GLIS1: variants seen among roughly 807,000 people sequenced by gnomAD.
GLIS1 encodes the protein zinc finger protein GLIS1.
Under a neutral mutation model 63.8 loss-of-function variants are expected in GLIS1, and 24 were observed. The ratio of observed to expected loss-of-function variants is 0.38; its 90% CI spans 0.27 to 0.53. The LOEUF (loss-of-function observed/expected upper bound fraction) is 0.53. Among genes scored for constraint, GLIS1 ranks in the 20% least tolerant of loss-of-function variants. GLIS1 has a pLI of 0.85. For missense variants in GLIS1, 1,036 were observed against 1,074.1 expected (o/e 0.96, Z 0.50); for synonymous variants, 450 against 482.5 (o/e 0.93, Z 0.88).
At chr1:53,657,574 A>T (rs1380292601) in intron 2 of GLIS1, among the ~76,000 whole-genome samples, 1 of 152,094 alleles carries the variant, frequency 6.6e-6, no homozygotes, top group Non-Finnish European at 1.5e-5. Flanking sequence ...CTACCACGTG[A>T]GAAGCCTGAT....
intron 2 of GLIS1, among the ~76,000 whole-genome samples, chr1:53,673,790 C>G (rs1056298339): frequency 6.6e-6 from 1 of 152,198 alleles, no homozygotes; most frequent in African/African-American, 2.4e-5. Context: ...AAGCACAATG[C>G]CTGGTGCACG....
At chr1:53,678,901 C>T (rs1322779888) in intron 2 of GLIS1, among the ~76,000 whole-genome samples, 1 of 152,218 alleles carries the variant, frequency 6.6e-6, no homozygotes, top group Non-Finnish European at 1.5e-5. Context: ...AACTTTCCAG[C>T]CCACTTCTGC....
intron 2 of GLIS1, among the ~76,000 whole-genome samples, chr1:53,697,191 T>C (rs1360333328): frequency 2.0e-5 from 3 of 152,090 alleles, no homozygotes; most frequent in African/African-American, 4.8e-5. Context: ...AATGACACAA[T>C]AGCAGGCTCT....
intron 2 of GLIS1, among the ~76,000 whole-genome samples, chr1:53,600,903 G>A (rs1449222795): frequency 1.3e-5 from 2 of 152,194 alleles, no homozygotes; most frequent in Admixed American, 6.5e-5. Flanking sequence ...GCCCTGCCTC[G>A]CCCTGCTAGT....
At chr1:53,579,978 C>A (rs965990104) in intron 4 of GLIS1, among the ~76,000 whole-genome samples, 1 of 152,218 alleles carries the variant, frequency 6.6e-6, no homozygotes. Context: ...TTCCACTGAA[C>A]AGGTAAGTAA....
At chr1:53,530,053 C>T in intron 4 of GLIS1, 101 bp from the exon 5 acceptor site, 1 of 1,072,040 alleles carries the variant, frequency 9.3e-7, no homozygotes, top group Non-Finnish European at 1.3e-6. Flanking sequence ...CACCCCTGCC[C>T]CTCCCATCCT....
At chr1:53,548,995 T>C (rs1644733166) in intron 4 of GLIS1, among the ~76,000 whole-genome samples, 1 of 152,232 alleles carries the variant, frequency 6.6e-6, no homozygotes, top group African/African-American at 2.4e-5. Flanking sequence ...TTTCTATAGA[T>C]TTGTCTATTC....
intron 2 of GLIS1, among the ~76,000 whole-genome samples, chr1:53,659,517 G>A (rs979520554): frequency 1.3e-5 from 2 of 152,192 alleles, no homozygotes; most frequent in African/African-American, 4.8e-5. Context: ...AAGGTCACAT[G>A]GTGAGTTGGT....
chr1:53,587,258 C>G (rs961656036), intron 4 of GLIS1, among the ~76,000 whole-genome samples: 4 of 152,122 alleles, frequency 2.6e-5, no homozygotes, highest in Admixed American at 2.0e-4. Flanking sequence ...ATGGTGCCTG[C>G]TCTCTGGGCT....
chr1:53,656,785 G>A (rs2100346411), intron 2 of GLIS1, among the ~76,000 whole-genome samples: 1 of 152,350 alleles, frequency 6.6e-6, no homozygotes, highest in South Asian at 2.1e-4. Flanking sequence ...AGCACTGGCA[G>A]TACCGGAGGG....
rs187479733 is a variant in GLIS1, at chr1:53,602,467, G to A, written c.260-2189C>T. Among the ~76,000 whole-genome samples, 8 of 152,180 alleles carry A rather than the reference G, an allele frequency of 5.3e-5. No homozygotes were observed. The East Asian group carries it at 1.6e-3, about 30-fold the overall frequency. On this transcript the variant is annotated intron_variant, in intron 2 of 10. Transcript: ENST00000628545. ...GTCTTTCTCCCAGGGTCTCTAACGG[G>A]GGTGCCGTTCAGAGCTTCCTTCCAG...
intron 2 of GLIS1, among the ~76,000 whole-genome samples, chr1:53,656,612 ATGGATTACCAGGAAGACAGAC>A (rs1281212139): frequency 6.6e-6 from 1 of 152,240 alleles, no homozygotes; most frequent in African/African-American, 2.4e-5. Context: ...GCAATCTGTG[ATGGATTACCAGGAAGACAGAC>A]TGCAGATTTA....
At chr1:53,738,369 C>A (rs1646933764) in intron 1 of GLIS1, among the ~76,000 whole-genome samples, 1 of 152,182 alleles carries the variant, frequency 6.6e-6, no homozygotes, top group African/African-American at 2.4e-5. Context: ...GAAGTCCCAC[C>A]CAAATCCTCC....
intron 2 of GLIS1, among the ~76,000 whole-genome samples, chr1:53,663,003 A>T (rs892877817): frequency 5.3e-5 from 8 of 152,188 alleles, no homozygotes; most frequent in Non-Finnish European, 1.2e-4. Flanking sequence ...TCATAGATTC[A>T]CTGGCAATCC....
intron 2 of GLIS1, among the ~76,000 whole-genome samples, chr1:53,668,544 T>C (rs1396398306): frequency 6.6e-6 from 1 of 152,168 alleles, no homozygotes; most frequent in Non-Finnish European, 1.5e-5. Context: ...GTATATTTAG[T>C]AGAGACAGGG....
At chr1:53,535,531 G>A (rs1270888315) in intron 4 of GLIS1, among the ~76,000 whole-genome samples, 1 of 151,994 alleles carries the variant, frequency 6.6e-6, no homozygotes, top group Non-Finnish European at 1.5e-5. Context: ...GTGGGTATGG[G>A]GCCCCTGACC....
intron 2 of GLIS1, among the ~76,000 whole-genome samples, chr1:53,718,615 C>T (rs1219003189): frequency 6.6e-6 from 1 of 152,088 alleles, no homozygotes; most frequent in Non-Finnish European, 1.5e-5. Context: ...GAGGGTGCTA[C>T]AGAAACAGCT....
At chr1:53,625,108 G>A (rs1000754735) in intron 2 of GLIS1, among the ~76,000 whole-genome samples, 7 of 152,192 alleles carry the variant, frequency 4.6e-5, no homozygotes, top group Non-Finnish European at 1.0e-4. Context: ...GCTTCTGGCC[G>A]CTCCAGGCCT....
chr1:53,729,433 C>G (rs1420572099), intron 2 of GLIS1, among the ~76,000 whole-genome samples: 1 of 152,172 alleles, frequency 6.6e-6, no homozygotes, highest in Non-Finnish European at 1.5e-5. Flanking sequence ...TTAAAGCCAT[C>G]TGGCTGGGGT....
Sources: allele counts gnomAD v4.1 joint callset (sites outside exome capture counted in the v4.1 genomes callset), GRCh38; gene constraint gnomAD v4.1.1; transcripts MANE v1.5; gene names NCBI Gene and HGNC (gene_info 2026-07-23, HGNC 2026-07-21).